DCDC1: variants seen among roughly 807,000 people sequenced by gnomAD.
DCDC1 encodes the protein doublecortin domain containing 1.
In DCDC1, 200 loss-of-function variants were observed where a neutral mutation model predicts 178.3. The ratio of observed to expected loss-of-function variants is 1.12; its 90% CI spans 1.00 to 1.26. The LOEUF (loss-of-function observed/expected upper bound fraction) is 1.26. DCDC1 is among the 50% of genes most tolerant of loss of function. DCDC1 has a pLI of 0.00. For missense variants in DCDC1, 1,983 were observed against 1,749.2 expected, an observed-to-expected ratio of 1.13 and a Z score of -2.38; for synonymous variants, 690 against 604.8, an observed-to-expected ratio of 1.14 and a Z score of -2.07.
Position 31,008,578 on chromosome 11 carries a change from G to C in DCDC1, c.2591+55891C>G, listed in dbSNP as rs76807228. On this transcript the variant is annotated intron_variant, in intron 20 of 38. Coordinates refer to ENST00000684477, the MANE Select transcript of DCDC1 (RefSeq NM_001387274.1). ...ATCTCTCATGTGTAACAGTTTCTTG[G>C]GACCAGACATTCCGCCTCAGTTTCT... Among the ~76,000 whole-genome samples the C allele has an allele frequency of 2.2e-3, 328 of 152,176 alleles. 7 individuals are homozygous for C. The East Asian group carries it at 0.059, about 28-fold the overall frequency.
chr11:31,045,263 AT>A (rs1422908437), intron 20 of DCDC1, among the ~76,000 whole-genome samples: 2 of 152,116 alleles, frequency 1.3e-5, no homozygotes, highest in African/African-American at 4.8e-5. Context: ...AAATTTAGGA[AT>A]TTAATTTTTA....
chr11:30,937,895 T>C (rs1947376006), intron 21 of DCDC1, among the ~76,000 whole-genome samples: 1 of 152,114 alleles, frequency 6.6e-6, no homozygotes, highest in Non-Finnish European at 1.5e-5. Flanking sequence ...TTCTACCGCC[T>C]GCTGACAAAC....
rs780721234 is a variant in DCDC1, at chr11:30,915,739, C to T, written c.3453-28G>A. 9.4e-6 allele frequency: 15 copies of T among 1,590,132 alleles called. No individual in the cohort carries two copies. In the East Asian group the frequency reaches 3.2e-4, roughly 34 times the overall value. On this transcript the variant is annotated intron_variant, in intron 26 of 38. Transcript: ENST00000684477. Reference sequence around the variant, plus strand: ...GAGATAAAGAAATCTCTATTAGTGGCAGAAAAATGTCCCATGCACTTGATC... The same window carrying T: ...GAGATAAAGAAATCTCTATTAGTGGTAGAAAAATGTCCCATGCACTTGATC...
At chr11:31,078,413 T>C (rs1424414642) in intron 17 of DCDC1, among the ~76,000 whole-genome samples, 1 of 152,174 alleles carries the variant, frequency 6.6e-6, no homozygotes, top group Non-Finnish European at 1.5e-5. Flanking sequence ...AAGAAAAAAC[T>C]AAAATGTGAT....
chr11:31,127,273 A>G (rs556716341), intron 11 of DCDC1, among the ~76,000 whole-genome samples, 196 bp downstream of exon 11: 1 of 152,296 alleles, frequency 6.6e-6, no homozygotes, highest in East Asian at 1.9e-4. Flanking sequence ...ATAAATACAC[A>G]TTTCAAAGAT....
chr11:31,340,010 A>T (rs1031883435), intron 1 of DCDC1, among the ~76,000 whole-genome samples: 4 of 151,754 alleles, frequency 2.6e-5, no homozygotes, highest in Non-Finnish European at 4.4e-5. Flanking sequence ...GGCATCAAAA[A>T]GTCTCTGTTT....
At chr11:31,058,381 A>G (rs1388323452) in intron 20 of DCDC1, among the ~76,000 whole-genome samples, 1 of 152,176 alleles carries the variant, frequency 6.6e-6, no homozygotes, top group Non-Finnish European at 1.5e-5. Context: ...GTACAAATGT[A>G]AAGAAAACAC....
chr11:31,085,016 A>T (rs2135604103), intron 17 of DCDC1, among the ~76,000 whole-genome samples: 1 of 151,614 alleles, frequency 6.6e-6, no homozygotes, highest in Admixed American at 6.6e-5. Flanking sequence ...TATGCCCATC[A>T]AGCTATCTAT....
At chr11:31,171,159 A>AGTT (rs1328789610) in intron 9 of DCDC1, among the ~76,000 whole-genome samples, 1 of 152,096 alleles carries the variant, frequency 6.6e-6, no homozygotes, top group Non-Finnish European at 1.5e-5. Context: ...ACAGTTCTAT[A>AGTT]CCAGAATCCT....
At chr11:30,933,976 A>G (rs192445094) in intron 21 of DCDC1, among the ~76,000 whole-genome samples, 439 of 152,328 alleles carry the variant, frequency 2.9e-3, no homozygotes, top group Non-Finnish European at 3.8e-3. Flanking sequence ...TCCACCCAGC[A>G]TAACACATAC....
chr11:31,149,046 G>A (rs7951099), intron 9 of DCDC1, among the ~76,000 whole-genome samples: 40,443 of 152,114 alleles, frequency 0.27, 5,541 homozygotes, highest in African/African-American at 0.33. Context: ...CTCCAGCTCC[G>A]TCCAAGCTGC....
intron 15 of DCDC1, among the ~76,000 whole-genome samples, chr11:31,095,862 T>A (rs896347151): frequency 2.0e-5 from 3 of 152,198 alleles, no homozygotes; most frequent in Non-Finnish European, 4.4e-5. Context: ...TTATTCTAGG[T>A]TTTTTAGTAC....
At chr11:31,224,637 C>T (rs1301455177) in intron 9 of DCDC1, among the ~76,000 whole-genome samples, 1 of 152,046 alleles carries the variant, frequency 6.6e-6, no homozygotes, top group Non-Finnish European at 1.5e-5. Context: ...CCAGAATCTA[C>T]ATGGAACTCA....
chr11:30,981,010 A>G (rs1183569403), intron 20 of DCDC1, among the ~76,000 whole-genome samples: 1 of 152,242 alleles, frequency 6.6e-6, no homozygotes, highest in Non-Finnish European at 1.5e-5. Context: ...CAACATAGCC[A>G]TAAAAAAATA....
intron 1 of DCDC1, among the ~76,000 whole-genome samples, chr11:31,361,302 T>C (rs1259211483): frequency 6.6e-6 from 1 of 152,130 alleles, no homozygotes; most frequent in Non-Finnish European, 1.5e-5. Flanking sequence ...CTGCAAGGGA[T>C]GGAATTCCAC....
At chr11:30,956,995 C>T (rs1285547929) in intron 20 of DCDC1, among the ~76,000 whole-genome samples, 1 of 152,102 alleles carries the variant, frequency 6.6e-6, no homozygotes. Flanking sequence ...TAGAAGTGGT[C>T]AGAAGACTTT....
chr11:31,202,011 CA>C lies in DCDC1; in HGVS notation c.1221+39438del, dbSNP rs1234716047. ...TTTAAAAAGATCAATTTTAGATTTC[CA>C]ATTTGCTTCAGTTTGATATAGGCAA... is the stretch of plus-strand genomic sequence containing the variant. On this transcript the variant is annotated intron_variant, in intron 9 of 38. Transcript: ENST00000684477. 3.3e-5 allele frequency among the ~76,000 whole-genome samples: 5 copies of C among 152,164 alleles called. No individual in the cohort carries two copies. The East Asian group carries it at 9.7e-4, about 29-fold the overall frequency.
intron 11 of DCDC1, among the ~76,000 whole-genome samples, chr11:31,113,912 T>C (rs1351303819): frequency 6.6e-6 from 1 of 152,210 alleles, no homozygotes; most frequent in Admixed American, 6.5e-5. Context: ...AAATATGAGC[T>C]GTAAAATGTG....
chr11:30,935,407 C>T (rs1024532296), intron 21 of DCDC1, among the ~76,000 whole-genome samples: 1 of 152,192 alleles, frequency 6.6e-6, no homozygotes, highest in African/African-American at 2.4e-5. Flanking sequence ...TGGGATGCTA[C>T]CGTCTTCGTT....
Sources: gnomAD v4.1 joint callset for allele counts (sites outside exome capture counted in the v4.1 genomes callset) on GRCh38, gnomAD v4.1.1 for gene constraint, MANE v1.5 for transcripts, NCBI Gene and HGNC (gene_info 2026-07-23, HGNC 2026-07-21) for gene names.